ZDHHC3: variants seen among roughly 807,000 people sequenced by gnomAD.
The protein encoded by ZDHHC3 is palmitoyltransferase ZDHHC3.
In ZDHHC3, 9 loss-of-function variants were observed where a neutral mutation model predicts 30.6. That is an observed-to-expected ratio of 0.29 (90% CI 0.18 to 0.51). The LOEUF is 0.51. ZDHHC3 is among the 20% of genes least tolerant of loss of function. The pLI is 0.97. For missense variants in ZDHHC3, 246 were observed against 384.2 expected, an observed-to-expected ratio of 0.64 and a Z score of 3.01; for synonymous variants, 136 against 140.2, an observed-to-expected ratio of 0.97 and a Z score of 0.21.
intron 2 of ZDHHC3, among the ~76,000 whole-genome samples, chr3:44,947,868 C>T (rs1162222849): frequency 6.6e-6 from 1 of 152,234 alleles, no homozygotes; most frequent in Non-Finnish European, 1.5e-5. Context: ...GATCCAGCAG[C>T]TTCCAGCAAA....
At chr3:44,946,527 C>T (rs1449632954) in intron 2 of ZDHHC3, among the ~76,000 whole-genome samples, 5 of 152,072 alleles carry the variant, frequency 3.3e-5, no homozygotes, top group African/African-American at 9.7e-5. Context: ...GGCTGACAAA[C>T]GATTCTAGTA....
At chr3:44,947,673 A>T (rs1703069975) in intron 2 of ZDHHC3, among the ~76,000 whole-genome samples, 1 of 152,180 alleles carries the variant, frequency 6.6e-6, no homozygotes, top group Non-Finnish European at 1.5e-5. Context: ...GCACTACTAT[A>T]AAAAAACTAC....
In ZDHHC3 at chr3:44,923,729, G is replaced by A. The variant is rs1700777016; in HGVS notation, c.*2960C>T. 1.1e-6 allele frequency: 1 copy of A among 882,726 alleles called. No individual in the cohort carries two copies. Among genetic ancestry groups the A allele is most frequent in the Non-Finnish European group, 1.4e-6 (1 of 736,592 alleles). The allele number at this position is 882,726 out of a possible 1,614,324, so 54.7% of individuals were successfully genotyped here. A position where few individuals can be genotyped will look rare whatever the true frequency, so the allele number is the denominator to read the frequency against. ...AAGGCACAAGAATCACTTGAGCCCA[G>A]GAGTTCAAGGCTGCAGTGAGCTCTA... On this transcript the variant is annotated 3_prime_UTR_variant, in exon 7 of 7. Coordinates refer to ENST00000424952, the MANE Select transcript of ZDHHC3 (RefSeq NM_001135179.2).
intron 2 of ZDHHC3, among the ~76,000 whole-genome samples, chr3:44,953,862 A>C (rs1703687943): frequency 6.6e-6 from 1 of 152,202 alleles, no homozygotes. Flanking sequence ...TGATGCAGTG[A>C]ATGTGCCAAT....
chr3:44,953,324 C>T (rs1703636373), intron 2 of ZDHHC3, among the ~76,000 whole-genome samples: 1 of 152,152 alleles, frequency 6.6e-6, no homozygotes, highest in Non-Finnish European at 1.5e-5. Flanking sequence ...TTTTAATTGC[C>T]TGATGTCACA....
chr3:44,921,346 CA>C lies in ZDHHC3; in HGVS notation c.*5342del, dbSNP rs1163355547. The stretch of plus-strand genomic sequence containing the variant: ...CCAGAGCCTCAGGGAGCAGCCTATG[CA>C]AATGTGTCTCTTCATAGCGGGCCAG... On this transcript the variant is annotated 3_prime_UTR_variant, in exon 7 of 7. Transcript: ENST00000424952. The C allele has an allele frequency of 5.1e-6, 5 of 977,344 alleles. No individual in the cohort carries two copies. The highest frequency in any genetic ancestry group is 6.0e-6 in the Non-Finnish European group (5 of 827,344). The allele number at this position is 977,344 out of a possible 1,614,324, so 60.5% of individuals were successfully genotyped here. A position where few individuals can be genotyped will look rare whatever the true frequency, so the allele number is the denominator to read the frequency against.
rs564270207 is a variant in ZDHHC3, at chr3:44,954,380, G to A, written c.306+4751C>T. Among the ~76,000 whole-genome samples the A allele has an allele frequency of 3.3e-5, 5 of 152,026 alleles. 1 individual carries two copies. Among genetic ancestry groups the A allele is most frequent in the South Asian group, 2.1e-4 (1 of 4,812 alleles). On this transcript the variant is annotated intron_variant, in intron 2 of 6. Coordinates refer to ENST00000424952, the MANE Select transcript of ZDHHC3 (RefSeq NM_001135179.2). ...TATGTTTAGATATACAAATATTATC[G>A]TGTTACAGTTGCCCACAGTCAGTAT...
intron 1 of ZDHHC3, among the ~76,000 whole-genome samples, chr3:44,974,585 C>A (rs1705716127): frequency 6.6e-6 from 1 of 152,214 alleles, no homozygotes; most frequent in Non-Finnish European, 1.5e-5. Flanking sequence ...CTAAGTGCCA[C>A]AACAGGTGGG....
chr3:44,957,541 C>G (rs1575909972), intron 2 of ZDHHC3, among the ~76,000 whole-genome samples: 1 of 152,202 alleles, frequency 6.6e-6, no homozygotes, highest in East Asian at 1.9e-4. Context: ...GCACCTCGCC[C>G]ACATCACCAA....
chr3:44,959,686 C>A lies in ZDHHC3; in HGVS notation c.-24-226G>T, dbSNP rs1434285294. 1.3e-5 allele frequency among the ~76,000 whole-genome samples: 2 copies of A among 152,152 alleles called. No homozygotes were observed. Among genetic ancestry groups the A allele is most frequent in the Non-Finnish European group, 1.5e-5 (1 of 68,018 alleles). ...CACATGACAGATAATAAAAAGGGAG[C>A]CTCTAAAGGGTAAATGCCTTGCCCA... On this transcript the variant is annotated intron_variant, in intron 1 of 6. Transcript: ENST00000424952. This position sits in a 1 kb window ranked among gnomAD's most constrained non-coding sequence, Gnocchi z 4.3.
chr3:44,930,676 G>A (rs575704533), intron 5 of ZDHHC3, among the ~76,000 whole-genome samples: 1 of 152,378 alleles, frequency 6.6e-6, no homozygotes, highest in Non-Finnish European at 1.5e-5. Context: ...CAAGCACCAT[G>A]TGGGTGACAG....
intron 1 of ZDHHC3, among the ~76,000 whole-genome samples, chr3:44,962,401 TA>T (rs1704552917): frequency 2.0e-5 from 3 of 152,080 alleles, no homozygotes; most frequent in African/African-American, 7.2e-5. Flanking sequence ...TCCACGTAAG[TA>T]ACTTCCCAGA....
rs994142511 is a variant in ZDHHC3 at position 44,923,134 on chromosome 3, G to C, written c.*3555C>G. On this transcript the variant is annotated 3_prime_UTR_variant, in exon 7 of 7. Coordinates refer to ENST00000424952, the MANE Select transcript of ZDHHC3 (RefSeq NM_001135179.2). ...TCTGTCGCCCAGGCTGGAGTGCAGT[G>C]GTGCGATCTTGGCTCACTGCAAGCT... is the stretch of plus-strand genomic sequence containing the variant. The C allele has an allele frequency of 1.0e-6, 1 of 958,692 alleles. No homozygotes were observed. Among genetic ancestry groups the C allele is most frequent in the African/African-American group, 1.8e-5 (1 of 55,680 alleles). The allele number at this position is 958,692 out of a possible 1,614,324, so 59.4% of individuals were successfully genotyped here.
At chr3:44,934,123 G>T in intron 3 of ZDHHC3, 139 bp from the exon 4 acceptor site, 1 of 799,268 alleles carries the variant, frequency 1.3e-6, no homozygotes, top group Non-Finnish European at 2.1e-6. Context: ...TGCTGGGTGT[G>T]TGTCACGTGG....
chr3:44,922,851 A>T lies in ZDHHC3; in HGVS notation c.*3838T>A. The T allele has an allele frequency of 2.0e-6, 2 of 985,228 alleles. No individual in the cohort carries two copies. The highest frequency in any genetic ancestry group is 2.4e-6 in the Non-Finnish European group (2 of 829,898). The allele number at this position is 985,228 out of a possible 1,614,324, so 61.0% of individuals were successfully genotyped here. A position where few individuals can be genotyped will look rare whatever the true frequency, so the allele number is the denominator to read the frequency against. ...GGCAACCTCAAGAACACCTTTGAGG[A>T]GGATTCTAGCAAAATCTTTCTCTTT... is the stretch of plus-strand genomic sequence containing the variant. On this transcript the variant is annotated 3_prime_UTR_variant, in exon 7 of 7. Transcript: ENST00000424952.
rs773212236 is a variant in ZDHHC3, at chr3:44,933,092, G to A, written c.610+26C>T. 5 of 1,613,730 alleles carry A rather than the reference G, an allele frequency of 3.1e-6. No homozygotes were observed. The African/African-American group carries it at 6.7e-5, about 22-fold the overall frequency. On this transcript the variant is annotated intron_variant, in intron 5 of 6. Transcript: ENST00000424952. ...AGGTCACACACCCACCCTGGAGCAG[G>A]GAGGAAAGCCTCAGCACATACTCAC... is the stretch of plus-strand genomic sequence containing the variant.
At chr3:44,937,287 TA>T (rs1156623550) in intron 3 of ZDHHC3, among the ~76,000 whole-genome samples, 1 of 151,432 alleles carries the variant, frequency 6.6e-6, no homozygotes, top group Non-Finnish European at 1.5e-5. Context: ...CCAACAAAAA[TA>T]AAAAAATTAG....
At chr3:44,942,908 T>C (rs1702567129) in intron 3 of ZDHHC3, among the ~76,000 whole-genome samples, 1 of 152,046 alleles carries the variant, frequency 6.6e-6, no homozygotes. Flanking sequence ...AGAAACCACA[T>C]AAGCAAGCTG....
At chr3:44,933,362 G>A (rs1469179848) in intron 4 of ZDHHC3, 163 bp from the exon 5 acceptor site, 3 of 656,302 alleles carry the variant, frequency 4.6e-6, no homozygotes, top group East Asian at 2.7e-5. Context: ...CTACAGATCC[G>A]TCTACCCACC....
Sources: gnomAD v4.1 joint callset for allele counts (sites outside exome capture counted in the v4.1 genomes callset) on GRCh38, gnomAD v4.1.1 for gene constraint, Gnocchi (gnomAD v3.1) non-coding constraint, MANE v1.5 for transcripts, NCBI Gene and HGNC (gene_info 2026-07-23, HGNC 2026-07-21) for gene names.